The following TIAM1 variants were observed in gnomAD, a reference collection of about 807,000 sequenced individuals.
TIAM1 encodes the protein rho guanine nucleotide exchange factor TIAM1.
Under a neutral mutation model 163.5 loss-of-function variants are expected in TIAM1, and 65 were observed. The ratio of observed to expected loss-of-function variants is 0.40; its 90% confidence interval spans 0.33 to 0.49. The LOEUF is 0.49. Among genes scored for constraint, TIAM1 ranks in the 20% least tolerant of loss-of-function variants. The probability of loss-of-function intolerance (pLI) is 0.77; values close to 1 mark genes in which losing one functional copy is unlikely to be tolerated. For missense variants in TIAM1, 1,789 were observed against 2,044.7 expected (o/e 0.87, Z 2.41); for synonymous variants, 833 against 810.1 (o/e 1.03, Z -0.48).
At chr21:31,448,642 G>A (rs902046290) in intron 2 of TIAM1, among the ~76,000 whole-genome samples, 8 of 149,406 alleles carry the variant, frequency 5.4e-5, no homozygotes, top group African/African-American at 2.0e-4. Context: ...AGTGCAAATT[G>A]GAGAAGCCCA....
chr21:31,296,882 C>G (rs2074293014), intron 2 of TIAM1, among the ~76,000 whole-genome samples: 1 of 152,154 alleles, frequency 6.6e-6, no homozygotes, highest in Non-Finnish European at 1.5e-5. Flanking sequence ...CCAGGATGGT[C>G]TTGATTTCCT....
intron 2 of TIAM1, among the ~76,000 whole-genome samples, chr21:31,294,248 C>T (rs558093529): frequency 6.6e-6 from 1 of 152,348 alleles, no homozygotes; most frequent in Admixed American, 6.5e-5. Context: ...AGCATTTCCT[C>T]CCAGCTAGTA....
chr21:31,478,582 C>T (rs1043215334), intron 1 of TIAM1, among the ~76,000 whole-genome samples: 3 of 152,194 alleles, frequency 2.0e-5, no homozygotes, highest in Non-Finnish European at 4.4e-5. Flanking sequence ...CACCAGCCAA[C>T]GTGTCCACAA....
At chr21:31,252,252 C>T (rs1385314560) in intron 4 of TIAM1, 63 bp from the exon 5 acceptor site, 4 of 1,534,508 alleles carry the variant, frequency 2.6e-6, no homozygotes, top group East Asian at 2.3e-5. Flanking sequence ...CCCAGGGTCA[C>T]GTGGAGAAGA....
At chr21:31,403,793 C>T (rs536096716) in intron 2 of TIAM1, among the ~76,000 whole-genome samples, 40 of 152,058 alleles carry the variant, frequency 2.6e-4, no homozygotes, top group Non-Finnish European at 4.4e-4. Flanking sequence ...GAAGAAAGAA[C>T]GAGGAGAAAA....
intron 2 of TIAM1, among the ~76,000 whole-genome samples, chr21:31,408,725 A>C (rs1395092339): frequency 6.6e-6 from 1 of 152,188 alleles, no homozygotes; most frequent in Non-Finnish European, 1.5e-5. Flanking sequence ...GTCTTAGATT[A>C]GTTCTATTTT....
rs147900893 is a variant in TIAM1, at chr21:31,402,453, G to T, written c.-369+61530C>A. On this transcript the variant is annotated intron_variant, in intron 2 of 28. Transcript: ENST00000286827. Reference sequence around the variant, plus strand: ...AAATTGACACTATGGGGGCCTCTGAGAGATGCAGGACCAACGTCTCTTCCT... The same window carrying T: ...AAATTGACACTATGGGGGCCTCTGATAGATGCAGGACCAACGTCTCTTCCT... Among the ~76,000 whole-genome samples the T allele has an allele frequency of 1.9e-4, 29 of 152,254 alleles. No homozygotes were observed. In the East Asian group the frequency reaches 5.4e-3, roughly 28 times the overall value.
At chr21:31,147,174 G>C (rs1361759697) in intron 19 of TIAM1, among the ~76,000 whole-genome samples, 171 bp from the exon 20 acceptor site, 1 of 152,134 alleles carries the variant, frequency 6.6e-6, no homozygotes, top group African/African-American at 2.4e-5. Flanking sequence ...CCATTACAAA[G>C]TATGTGCTTG....
chr21:31,308,165 T>C (rs2074788998), intron 2 of TIAM1, among the ~76,000 whole-genome samples: 1 of 152,082 alleles, frequency 6.6e-6, no homozygotes, highest in Admixed American at 6.5e-5. Context: ...GTAGGAGGAC[T>C]GATTGAGCCT....
chr21:31,337,403 T>C (rs2075875090), intron 2 of TIAM1, among the ~76,000 whole-genome samples: 1 of 151,998 alleles, frequency 6.6e-6, no homozygotes, highest in Admixed American at 6.5e-5. Context: ...GCGAAAGCAC[T>C]CAGGGAGAGG....
intron 6 of TIAM1, among the ~76,000 whole-genome samples, chr21:31,234,321 GGGAA>G (rs1236308121): frequency 6.8e-6 from 1 of 147,512 alleles, no homozygotes; most frequent in Non-Finnish European, 1.5e-5. Context: ...AGCAGGAGAG[GGGAA>G]GGGAGGGAGG....
chr21:31,272,825 A>G (rs1331425233), intron 3 of TIAM1, among the ~76,000 whole-genome samples: 1 of 152,220 alleles, frequency 6.6e-6, no homozygotes, highest in African/African-American at 2.4e-5. Context: ...CAACAACAAA[A>G]AAGCAAGCAT....
chr21:31,315,994 T>A lies in TIAM1; in HGVS notation c.-189+23249A>T, dbSNP rs186725753. Among the ~76,000 whole-genome samples, 171 of 152,132 alleles carry A rather than the reference T, an allele frequency of 1.1e-3. 1 individual carries two copies. The highest frequency in any genetic ancestry group is 1.9e-3 in the Non-Finnish European group (128 of 67,986). On this transcript the variant is annotated intron_variant, in intron 2 of 27. Transcript: ENST00000541036. ...TCGGTCTCAAAAAATAAACCTGCGA[T>A]GAAAGGAGATCATCAACCATGATGA...
In TIAM1 at chr21:31,152,666, C is replaced by T; in HGVS notation, c.3336G>A (p.Leu1112=). ...ATTGATCAACCTTCTCAAGCTTTTC[C>T]AAATCAGGTACCAGTCTCACTCCAT... ...LEDGVRLVPD[L]EKLEKVDQFK... Residue 1112 remains leucine (L), a synonymous_variant, in exon 19 of 28, where the codon TTG becomes TTA. Coordinates refer to ENST00000541036, the MANE Select transcript of TIAM1 (RefSeq NM_001353694.2). The T allele has an allele frequency of 6.2e-7, 1 of 1,614,146 alleles. No homozygotes were observed. Among genetic ancestry groups the T allele is most frequent in the Non-Finnish European group, 8.5e-7 (1 of 1,180,022 alleles).
At chr21:31,504,258 G>A (rs1716391897) in intron 1 of TIAM1, among the ~76,000 whole-genome samples, 1 of 152,214 alleles carries the variant, frequency 6.6e-6, no homozygotes. Flanking sequence ...GCCTTTGCAG[G>A]TAAAAGGGAG....
rs151056875 is a variant in TIAM1 at position 31,285,733 on chromosome 21, C to A, written c.-188-8825G>T. Among the ~76,000 whole-genome samples, 86 of 152,176 alleles carry A rather than the reference C, an allele frequency of 5.7e-4. 3 individuals carry two copies. The highest frequency in any genetic ancestry group is 5.5e-3 in the Admixed American group (84 of 15,298). ...AAAATTAGCTGAGTGTGGTGGCCCA[C>A]ACCTGTAATCTCAGCTACTCGGGAG... On this transcript the variant is annotated intron_variant, in intron 2 of 27. Transcript: ENST00000541036.
intron 1 of TIAM1, among the ~76,000 whole-genome samples, chr21:31,484,112 G>A (rs1182250967): frequency 6.6e-6 from 1 of 152,148 alleles, no homozygotes; most frequent in African/African-American, 2.4e-5. Context: ...CTGTCTATGA[G>A]CCAGGAAGCC....
chr21:31,309,944 A>G (rs2074861518), intron 2 of TIAM1, among the ~76,000 whole-genome samples: 1 of 152,238 alleles, frequency 6.6e-6, no homozygotes. Context: ...CACCTAACGC[A>G]AAAATAAGTC....
chr21:31,299,721 AATCGGCGGGG>A (rs1196149717), intron 2 of TIAM1, among the ~76,000 whole-genome samples: 1 of 152,138 alleles, frequency 6.6e-6, no homozygotes, highest in Non-Finnish European at 1.5e-5. Context: ...AGCCAGACAG[AATCGGCGGGG>A]ATTTTGCCTC....
Sources: allele counts gnomAD v4.1 joint callset (sites outside exome capture counted in the v4.1 genomes callset), GRCh38; gene constraint gnomAD v4.1.1; transcripts MANE v1.5; gene names NCBI Gene and HGNC (gene_info 2026-07-23, HGNC 2026-07-21).